The following MAPRE2 variants were observed in gnomAD, a reference collection of about 807,000 sequenced individuals.
The protein encoded by MAPRE2 is microtubule associated protein RP/EB family member 2, also known as microtubule-associated protein RP/EB family member 2.
A neutral mutation model predicts 43.2 loss-of-function variants in MAPRE2; 13 were observed. The ratio of observed to expected loss-of-function variants is 0.30; its 90% CI spans 0.20 to 0.48. MAPRE2 has a LOEUF of 0.48. Among genes scored for constraint, MAPRE2 ranks in the 20% least tolerant of loss-of-function variants. The probability of loss-of-function intolerance (pLI) is 0.99; values close to 1 mark genes in which losing one functional copy is unlikely to be tolerated. For missense variants in MAPRE2, 161 were observed against 400.2 expected, an observed-to-expected ratio of 0.40 and a Z score of 5.10; for synonymous variants, 135 against 148.8, an observed-to-expected ratio of 0.91 and a Z score of 0.68.
chr18:35,077,560 A>T (rs1014622026), intron 2 of MAPRE2, among the ~76,000 whole-genome samples: 1 of 152,246 alleles, frequency 6.6e-6, no homozygotes, highest in African/African-American at 2.4e-5. Context: ...AGTTGGATAC[A>T]GTTAATGAGA....
At chr18:35,091,294 G>T (rs1370224100) in intron 2 of MAPRE2, among the ~76,000 whole-genome samples, 1 of 152,114 alleles carries the variant, frequency 6.6e-6, no homozygotes, top group East Asian at 1.9e-4. Flanking sequence ...TAAAAATACT[G>T]TATAAAATTA....
intron 2 of MAPRE2, among the ~76,000 whole-genome samples, chr18:35,015,268 A>G (rs1404712167): frequency 4.6e-5 from 7 of 152,136 alleles, no homozygotes; most frequent in Admixed American, 4.6e-4. Context: ...CCACCAAGCC[A>G]AAGTGGATTC....
chr18:35,018,457 G>A (rs757076072), intron 2 of MAPRE2, among the ~76,000 whole-genome samples: 1 of 121,722 alleles, frequency 8.2e-6, no homozygotes, highest in Non-Finnish European at 1.8e-5. Context: ...GGTTGGTAGG[G>A]TGTTGTTTTG....
chr18:34,984,513 A>C (rs2097018008), intron 1 of MAPRE2: 1 of 151,812 alleles, frequency 6.6e-6, no homozygotes, highest in Non-Finnish European at 1.5e-5. Context: ...ATTATTTCTA[A>C]AAGCAAAAAC....
At chr18:35,079,958 C>T (rs990288751) in intron 2 of MAPRE2, among the ~76,000 whole-genome samples, 1 of 152,204 alleles carries the variant, frequency 6.6e-6, no homozygotes, top group Non-Finnish European at 1.5e-5. Context: ...TTCAAGGCAG[C>T]GAAAGAGGGA....
chr18:35,116,390 T>G (rs887260517), intron 4 of MAPRE2, among the ~76,000 whole-genome samples: 5 of 152,182 alleles, frequency 3.3e-5, no homozygotes, highest in African/African-American at 1.2e-4. Flanking sequence ...ACTTAGCAGC[T>G]TAAAACAACA....
intron 5 of MAPRE2, 117 bp from the exon 6 acceptor site, chr18:35,131,915 T>G: frequency 5.9e-6 from 6 of 1,015,230 alleles, no homozygotes; most frequent in Non-Finnish European, 8.7e-6. Context: ...GACTTACACA[T>G]TGGTTATTTC....
At position 35,023,235 on chromosome 18, in the gene MAPRE2, G is replaced by A. The variant is rs147418291; in HGVS notation, c.-8+17682G>A. ...TTATTAAAAATATAAATTGTTGGCC[G>A]GGCGTGGTGGCTTACACCTGTAATC... is the stretch of plus-strand genomic sequence containing the variant. On this transcript the variant is annotated intron_variant, in intron 2 of 7. Coordinates refer to the MAPRE2 transcript ENST00000413393. Among the ~76,000 whole-genome samples the A allele has an allele frequency of 6.8e-3, 1,028 of 152,048 alleles. 13 individuals carry two copies. The highest frequency in any genetic ancestry group is 0.024 in the African/African-American group (977 of 41,446).
chr18:34,985,351 A>ATATATTATAT (rs2097019612), intron 1 of MAPRE2, among the ~76,000 whole-genome samples: 9 of 44,554 alleles, frequency 2.0e-4, no homozygotes, highest in African/African-American at 5.1e-4. Context: ...ATATTATATT[A>ATATATTATAT]TATATATAAT....
chr18:35,140,185 G>T, intron 6 of MAPRE2, 110 bp from the exon 7 acceptor site: 2 of 921,272 alleles, frequency 2.2e-6, no homozygotes, highest in Non-Finnish European at 1.7e-6. Context: ...ACTAAGCCTG[G>T]TGCCCTCCAC....
At chr18:35,018,924 G>A (rs531709476) in intron 2 of MAPRE2, among the ~76,000 whole-genome samples, 2 of 151,882 alleles carry the variant, frequency 1.3e-5, no homozygotes, top group South Asian at 4.2e-4. Context: ...GATCATTAAT[G>A]TAAGGTCCTT....
At chr18:35,025,352 C>T (rs1239553395) in intron 2 of MAPRE2, among the ~76,000 whole-genome samples, 2 of 152,232 alleles carry the variant, frequency 1.3e-5, no homozygotes, top group Non-Finnish European at 2.9e-5. Context: ...AGCCTCAAAA[C>T]TTACCCTCTG....
intron 1 of MAPRE2, among the ~76,000 whole-genome samples, chr18:34,996,126 G>A (rs959387575): frequency 1.3e-5 from 2 of 152,120 alleles, no homozygotes; most frequent in Admixed American, 1.3e-4. Flanking sequence ...GAAAACAGCA[G>A]TCAGGAATTT....
chr18:35,122,498 G>A (rs1051214096), intron 4 of MAPRE2, among the ~76,000 whole-genome samples: 4 of 152,018 alleles, frequency 2.6e-5, no homozygotes, highest in African/African-American at 7.3e-5. Flanking sequence ...GTTTTTCTCC[G>A]AACAATAGAA....
intron 6 of MAPRE2, among the ~76,000 whole-genome samples, chr18:35,135,777 C>T (rs1215548122): frequency 6.6e-6 from 1 of 152,174 alleles, no homozygotes; most frequent in Non-Finnish European, 1.5e-5. Context: ...ATGTACATGG[C>T]GTCTGGGAGG....
intron 1 of MAPRE2, among the ~76,000 whole-genome samples, chr18:34,998,167 C>A (rs1364175637): frequency 6.6e-6 from 1 of 151,974 alleles, no homozygotes; most frequent in African/African-American, 2.4e-5. Flanking sequence ...TAAGGCAGAC[C>A]CCACAGCAGG....
rs761640887 is a variant in MAPRE2 at position 35,124,638 on chromosome 18, G to T, written c.611-2310G>T. Among the ~76,000 whole-genome samples, 13 of 152,194 alleles carry T rather than the reference G, an allele frequency of 8.5e-5. 1 individual carries two copies. Among genetic ancestry groups the T allele is most frequent in the Non-Finnish European group, 2.9e-5 (2 of 68,028 alleles). On this transcript the variant is annotated intron_variant, in intron 4 of 6. Coordinates refer to ENST00000300249, the MANE Select transcript of MAPRE2 (RefSeq NM_014268.4). ...CACTTAACAAATATGTGTGTAAGGG[G>T]TGTTGATCATAGGTAGTCTTCGCAC...
At chr18:35,061,061 T>C (rs1361718312) in intron 1 of MAPRE2, among the ~76,000 whole-genome samples, 2 of 148,504 alleles carry the variant, frequency 1.3e-5, no homozygotes, top group Non-Finnish European at 3.0e-5. Flanking sequence ...TCATTCTCTC[T>C]TGGAGGTGGC....
upstream of MAPRE2, among the ~76,000 whole-genome samples, chr18:35,037,181 G>A (rs1030863328): frequency 2.7e-5 from 4 of 149,412 alleles, no homozygotes; most frequent in African/African-American, 9.9e-5. Flanking sequence ...TTTTTTACCA[G>A]CTCCTAGTAT....
Sources: gnomAD v4.1 joint callset for allele counts (sites outside exome capture counted in the v4.1 genomes callset) on GRCh38, gnomAD v4.1.1 for gene constraint, MANE v1.5 for transcripts, NCBI Gene and HGNC (gene_info 2026-07-23, HGNC 2026-07-21) for gene names.